The following ZFYVE26 variants were observed in gnomAD, a reference collection of about 807,000 sequenced individuals.
The protein encoded by ZFYVE26 is zinc finger FYVE-type containing 26, also known as zinc finger FYVE domain-containing protein 26.
ZFYVE26 carries 181 observed loss-of-function variants against 276.5 expected under a neutral mutation model. The ratio of observed to expected loss-of-function variants is 0.65; its 90% CI spans 0.58 to 0.74. The LOEUF is 0.74. Ranked by LOEUF, ZFYVE26 falls within the 30% of genes least tolerant of loss-of-function variation. The pLI, the probability that ZFYVE26 is intolerant of heterozygous loss-of-function variation, is 0.00. For missense variants in ZFYVE26, 2,821 were observed against 3,097.9 expected, an observed-to-expected ratio of 0.91 and a Z score of 2.12; for synonymous variants, 1,129 against 1,203.1, an observed-to-expected ratio of 0.94 and a Z score of 1.27.
intron 26 of ZFYVE26, 85 bp from the exon 27 acceptor site, chr14:67,775,199 G>T: frequency 2.2e-6 from 2 of 910,872 alleles, no homozygotes; most frequent in Non-Finnish European, 3.3e-6. Context: ...ACAAAGCTCT[G>T]TTGGCTTCTC....
intron 25 of ZFYVE26, among the ~76,000 whole-genome samples, chr14:67,777,111 C>T (rs2039364739): frequency 6.6e-6 from 1 of 152,228 alleles, no homozygotes; most frequent in Non-Finnish European, 1.5e-5. Flanking sequence ...TAAATCCTTA[C>T]ATCAGAAGCC....
rs145738942 is a variant in ZFYVE26, at chr14:67,790,762, C to T, written c.2565G>A (p.Thr855=). Residue 855 remains threonine (T), a synonymous_variant, in exon 15 of 42, where the codon ACG becomes ACA. Coordinates refer to ENST00000347230, the MANE Select transcript of ZFYVE26 (RefSeq NM_015346.4). ...NFAEAHQVLF[T]FNLKSSPSSG... The stretch of plus-strand genomic sequence containing the variant: ...AACTGGGTGAGGACTTCAGGTTGAA[C>T]GTGAACAGCACCTGTCATAGGAGAG... 9.9e-6 allele frequency: 16 copies of T among 1,613,942 alleles called. No individual in the cohort carries two copies. Among genetic ancestry groups the T allele is most frequent in the African/African-American group, 9.3e-5 (7 of 74,924 alleles).
At position 67,798,260 on chromosome 14, in the gene ZFYVE26, A is replaced by C. The variant is rs1858366019; in HGVS notation, c.2002T>G (p.Leu668Val). Residue 668 changes from leucine (L) to valine (V), a missense_variant, in exon 11 of 42, where the codon TTA becomes GTA. Leu to Val is a conservative substitution (Grantham distance 32). Transcript: ENST00000347230. ...CTGATACCACTAGTAAAGTGTTTTA[A>C]GTCCAAAAAGCTGTGCCTATGAGGC... The part of the protein sequence containing the change: ...PGPHRHSFLD[L>V]KHFTSGISGF... The C allele has an allele frequency of 6.2e-7, 1 of 1,614,214 alleles. No individual in the cohort carries two copies. The highest frequency in any genetic ancestry group is 8.5e-7 in the Non-Finnish European group (1 of 1,180,028).
In ZFYVE26 at chr14:67,752,465, T is replaced by C. The variant is rs1480680936; in HGVS notation, c.7250A>G (p.Glu2417Gly). The C allele has an allele frequency of 6.2e-7, 1 of 1,614,076 alleles. No individual in the cohort carries two copies. Among genetic ancestry groups the C allele is most frequent in the Non-Finnish European group, 8.5e-7 (1 of 1,180,046 alleles). The stretch of plus-strand genomic sequence containing the variant: ...CAGTTGCTGGATCTCACTGTACTTC[T>C]CTTTCTCCACCAACTGGCGGGCAGC... Reference protein sequence around the residue: ...CRAARQLVEKEKYSEIQQLLK... With the variant: ...CRAARQLVEKGKYSEIQQLLK... The change falls in exon 40 of 42, where the codon GAG becomes GGG. Residue 2417 changes from glutamate to glycine, a missense_variant. Glu to Gly is a moderately conservative substitution (Grantham distance 98). Coordinates refer to ENST00000347230, the MANE Select transcript of ZFYVE26 (RefSeq NM_015346.4).
chr14:67,779,001 G>A (rs575874784), intron 23 of ZFYVE26, among the ~76,000 whole-genome samples: 19 of 152,254 alleles, frequency 1.2e-4, no homozygotes, highest in African/African-American at 4.6e-4. Context: ...CCACTCCAGG[G>A]CAAGTACAGC....
chr14:67,784,404 C>A lies in ZFYVE26; in HGVS notation c.3556G>T (p.Val1186Phe), dbSNP rs2039594770. 3 of 1,614,106 alleles carry A rather than the reference C, an allele frequency of 1.9e-6. No homozygotes were observed. The highest frequency in any genetic ancestry group is 8.5e-7 in the Non-Finnish European group (1 of 1,180,002). ...TGGGAAGAGCTCTGTTGCAGCAGAACAAAGGGATTTCCTACCTTGACCTCC... is the reference window on the plus strand; with the variant it reads ...TGGGAAGAGCTCTGTTGCAGCAGAAAAAAGGGATTTCCTACCTTGACCTCC... Reference protein sequence around the residue: ...HVEVKVGNPFVLLQQSSSQLV... With the variant: ...HVEVKVGNPFFLLQQSSSQLV... The change falls in exon 20 of 42, where the codon GTT becomes TTT. Residue 1186 changes from valine to phenylalanine, a missense_variant. Coordinates refer to ENST00000347230, the MANE Select transcript of ZFYVE26 (RefSeq NM_015346.4).
intron 41 of ZFYVE26, chr14:67,750,643 AT>A (rs112682419): frequency 0.011 from 2,526 of 239,762 alleles, 70 homozygotes; most frequent in African/African-American, 0.047. Context: ...TGGGGTGGGG[AT>A]TTTTTTCTTA....
At position 67,735,319 on chromosome 14, in the gene ZFYVE26, C is replaced by T. The variant is rs1048134807; in HGVS notation, n.2680-5500G>A. On this transcript the variant is annotated intron_variant and non_coding_transcript_variant, in intron 13 of 14. Transcript: ENST00000394455. ...TCTCACCTCTCTGTAGTGTCTCGCCCGACACCAAAAGGACCATCTAGTCTG... is the reference window on the plus strand; with the variant it reads ...TCTCACCTCTCTGTAGTGTCTCGCCTGACACCAAAAGGACCATCTAGTCTG... The T allele has an allele frequency of 6.3e-5, 51 of 809,014 alleles. No individual in the cohort carries two copies. In the Middle Eastern group the frequency reaches 1.0e-3, roughly 16 times the overall value. The allele number at this position is 809,014 out of a possible 1,614,324, so 50.1% of individuals were successfully genotyped here.
intron 32 of ZFYVE26, 69 bp downstream of exon 32, chr14:67,766,158 T>C: frequency 6.9e-7 from 1 of 1,454,968 alleles, no homozygotes; most frequent in Admixed American, 1.7e-5. Context: ...AAAATCACAG[T>C]GGGGTCAGAA....
intron 18 of ZFYVE26, 88 bp downstream of exon 18, chr14:67,785,770 A>G (rs746232312): frequency 4.4e-6 from 7 of 1,578,462 alleles, no homozygotes; most frequent in Non-Finnish European, 6.1e-6. Flanking sequence ...TGGAGTCCCA[A>G]GCCTCTGCTC....
chr14:67,807,268 C>T, intron 5 of ZFYVE26, 130 bp downstream of exon 5: 2 of 1,200,514 alleles, frequency 1.7e-6, no homozygotes, highest in South Asian at 1.3e-5. Context: ...AAGAGCATCG[C>T]ACCCATTTTT....
intron 3 of ZFYVE26, among the ~76,000 whole-genome samples, chr14:67,809,856 C>T (rs891029703): frequency 6.9e-6 from 1 of 145,182 alleles, no homozygotes; most frequent in South Asian, 2.1e-4. Context: ...GCAATCTCAG[C>T]TCATTGCAAC....
chr14:67,782,024 T>C (rs769047716), intron 21 of ZFYVE26, among the ~76,000 whole-genome samples: 3 of 152,180 alleles, frequency 2.0e-5, no homozygotes, highest in African/African-American at 4.8e-5. Context: ...ATCTTGGAGA[T>C]ACAAAAAACA....
At chr14:67,728,961 C>T (rs1201317074) in intron 14 of ZFYVE26, among the ~76,000 whole-genome samples, 1 of 152,172 alleles carries the variant, frequency 6.6e-6, no homozygotes, top group Non-Finnish European at 1.5e-5. Context: ...AGAAGGACCT[C>T]GAACCAGGCA....
At chr14:67,751,544 C>G in intron 40 of ZFYVE26, 1 of 244,524 alleles carries the variant, frequency 4.1e-6, no homozygotes, top group Non-Finnish European at 8.1e-6. Flanking sequence ...CCACACCCGG[C>G]TGACTCTTCT....
chr14:67,772,253 T>A, intron 27 of ZFYVE26, 43 bp from the exon 28 acceptor site: 1 of 1,587,280 alleles, frequency 6.3e-7, no homozygotes. Context: ...GTAATCAATA[T>A]ACCAGCTTAT....
Position 67,805,634 on chromosome 14 carries a change from A to G in ZFYVE26, c.1018-16T>C, listed in dbSNP as rs757392603. On this transcript the variant is annotated splice_polypyrimidine_tract_variant and intron_variant, in intron 6 of 41. Coordinates refer to ENST00000347230, the MANE Select transcript of ZFYVE26 (RefSeq NM_015346.4). ...GTGCTGTTACCTGTAAGTCAAAGAA[A>G]GCTGTTATAGGCAGCTATGTGGATG... 3 of 1,612,774 alleles carry G rather than the reference A, an allele frequency of 1.9e-6. No homozygotes were observed. The highest frequency in any genetic ancestry group is 3.3e-5 in the Admixed American group (2 of 60,036).
intron 35 of ZFYVE26, among the ~76,000 whole-genome samples, chr14:67,758,697 G>A (rs1196276895): frequency 3.3e-5 from 5 of 151,974 alleles, no homozygotes; most frequent in Admixed American, 2.0e-4. Context: ...GTGCAGTGGC[G>A]CAATCTTGGC....
At chr14:67,799,400 A>G in intron 10 of ZFYVE26, 1 of 1,612,564 alleles carries the variant, frequency 6.2e-7, no homozygotes, top group Non-Finnish European at 8.5e-7. Context: ...AAGGAAAAGG[A>G]GGGCTCAGGA....
Sources: gnomAD v4.1 joint callset for allele counts (sites outside exome capture counted in the v4.1 genomes callset) on GRCh38, gnomAD v4.1.1 for gene constraint, MANE v1.5 for transcripts, NCBI Gene and HGNC (gene_info 2026-07-23, HGNC 2026-07-21) for gene names.